MLLT3: variants seen among roughly 807,000 people sequenced by gnomAD.
MLLT3 encodes the protein protein AF-9.
A neutral mutation model predicts 53.2 loss-of-function variants in MLLT3; 4 were observed. That is an observed-to-expected ratio of 0.08 (90% CI 0.04 to 0.17). The LOEUF is 0.17. MLLT3 is among the 10% of genes least tolerant of loss of function. The probability of loss-of-function intolerance (pLI) is 1.00; values close to 1 mark genes in which losing one functional copy is unlikely to be tolerated. For synonymous variants in MLLT3, 283 were observed against 230.6 expected (o/e 1.23, Z -2.06); for missense variants, 569 against 684.0 (o/e 0.83, Z 1.87).
chr9:20,360,817 A>G lies in MLLT3; in HGVS notation c.1356T>C (p.Asp452=). The G allele has an allele frequency of 1.2e-6, 2 of 1,614,096 alleles. No individual in the cohort carries two copies. Among genetic ancestry groups the G allele is most frequent in the Non-Finnish European group, 8.5e-7 (1 of 1,179,888 alleles). ...SRRVSLSDGS[D]SESSSASSPL... is the part of the protein sequence containing the mutation. ...GTGAAGAAGCAGAACTGCTTTCACT[A>G]TCGCTGCCATCACTTAAGCTAACTC... is the stretch of plus-strand genomic sequence containing the variant. Residue 452 remains aspartate, a synonymous_variant, in exon 8 of 11, where the codon GAT becomes GAC. Transcript: ENST00000380338.
At chr9:20,427,542 T>C (rs1400691360) in intron 4 of MLLT3, among the ~76,000 whole-genome samples, 3 of 151,908 alleles carry the variant, frequency 2.0e-5, no homozygotes, top group Non-Finnish European at 4.4e-5. Flanking sequence ...GACACAATGG[T>C]GGAAATTTTC....
chr9:20,566,014 T>TA (rs1249800579), intron 2 of MLLT3, among the ~76,000 whole-genome samples: 3 of 128,184 alleles, frequency 2.3e-5, no homozygotes, highest in East Asian at 2.0e-4. Flanking sequence ...ATATATATTT[T>TA]TATATATATT....
chr9:20,503,320 C>T (rs1825295779), intron 2 of MLLT3, among the ~76,000 whole-genome samples: 1 of 152,158 alleles, frequency 6.6e-6, no homozygotes, highest in African/African-American at 2.4e-5. Flanking sequence ...GTAATCAATA[C>T]AGCATGCTGC....
At chr9:20,440,139 C>G (rs1823507726) in intron 4 of MLLT3, among the ~76,000 whole-genome samples, 1 of 152,124 alleles carries the variant, frequency 6.6e-6, no homozygotes, top group Admixed American at 6.6e-5. Context: ...TTAATAATCT[C>G]AAATGGGAGA....
chr9:20,479,568 G>T (rs1181237160), intron 2 of MLLT3, among the ~76,000 whole-genome samples: 1 of 152,126 alleles, frequency 6.6e-6, no homozygotes, highest in Non-Finnish European at 1.5e-5. Context: ...TAGAGAAGTT[G>T]GGTACTATGG....
At chr9:20,395,362 T>C (rs1822297055) in intron 5 of MLLT3, among the ~76,000 whole-genome samples, 1 of 152,172 alleles carries the variant, frequency 6.6e-6, no homozygotes, top group African/African-American at 2.4e-5. Context: ...GAAGGCAAGA[T>C]TTTTTAGCTA....
At chr9:20,530,240 G>C (rs1046260367) in intron 2 of MLLT3, among the ~76,000 whole-genome samples, 2 of 152,180 alleles carry the variant, frequency 1.3e-5, no homozygotes, top group African/African-American at 4.8e-5. Flanking sequence ...AGACCAGGAA[G>C]TCATACAACG....
At position 20,342,834 on chromosome 9, in the gene MLLT3, G is replaced by GGGTATATA. The variant is rs1554673229; in HGVS notation, c.*3608_*3609insTATATACC. The GGGTATATA allele has an allele frequency of 2.4e-5, 4 of 164,276 alleles. No individual in the cohort carries two copies. Among genetic ancestry groups the GGGTATATA allele is most frequent in the African/African-American group, 1.0e-4 (4 of 40,150 alleles). The allele number at this position is 164,276 out of a possible 1,614,324, so 10.2% of individuals were successfully genotyped here. A position where few individuals can be genotyped will look rare whatever the true frequency, so the allele number is the denominator to read the frequency against. On this transcript the variant is annotated 3_prime_UTR_variant, in exon 11 of 11. Coordinates refer to ENST00000380338, the MANE Select transcript of MLLT3 (RefSeq NM_004529.4). ...AAGATTACTCTGATAATATATATGTGTATATATATATATATATGTATATAT... is the reference window on the plus strand; with the variant it reads ...AAGATTACTCTGATAATATATATGTGGGTATATATATATATATATATATATGTATATAT...
Position 20,448,335 on chromosome 9 carries a change from T to C in MLLT3, c.277-69A>G, listed in dbSNP as rs1234612463. 6 of 1,457,186 alleles carry C rather than the reference T, an allele frequency of 4.1e-6. No homozygotes were observed. The highest frequency in any genetic ancestry group is 2.4e-5 in the South Asian group (2 of 82,254). The allele number at this position is 1,457,186 out of a possible 1,614,324, so 90.3% of individuals were successfully genotyped here. A position where few individuals can be genotyped will look rare whatever the true frequency, so the allele number is the denominator to read the frequency against. On this transcript the variant is annotated intron_variant, in intron 3 of 10. Coordinates refer to ENST00000380338, the MANE Select transcript of MLLT3 (RefSeq NM_004529.4). This position sits in a 1 kb window ranked among gnomAD's most constrained non-coding sequence, Gnocchi z 4.0. ...ATAAGTGAAATTTTAAAAGCAAAAA[T>C]TTACTCCTCATAAGAAATAGAAAAG...
At position 20,502,358 on chromosome 9, in the gene MLLT3, G is replaced by A. The variant is rs1401455304; in HGVS notation, c.194-45572C>T. The A allele has an allele frequency of 3.3e-5, 5 of 153,534 alleles. No individual in the cohort carries two copies. The Admixed American group carries it at 3.3e-4, about 10-fold the overall frequency. 9.5% of individuals were successfully genotyped at this position (153,534 alleles called of 1,614,324 possible). On this transcript the variant is annotated intron_variant, in intron 2 of 10. Coordinates refer to ENST00000380338, the MANE Select transcript of MLLT3 (RefSeq NM_004529.4). ...AGGTAGGCAAATGCCAGCCTGTGAT[G>A]TTCCTTACATAGCACTGTAAGGAGC...
At chr9:20,346,714 T>A (rs1033798150) in intron 10 of MLLT3, 140 bp from the exon 11 acceptor site, 13 of 778,660 alleles carry the variant, frequency 1.7e-5, no homozygotes, top group South Asian at 5.7e-5. Context: ...ATACCATGAA[T>A]AGCATTAAAC....
chr9:20,494,705 A>C (rs1825033032), intron 2 of MLLT3, among the ~76,000 whole-genome samples: 1 of 152,150 alleles, frequency 6.6e-6, no homozygotes. Flanking sequence ...TTCATCCTTG[A>C]AACAGACAAA....
chr9:20,388,635 A>C lies in MLLT3; in HGVS notation c.1126-22891T>G, dbSNP rs143014486. ...AAAGAATCTCCCATTAAAAAACAAT[A>C]ATAAGGTAATTGTCAAAAACAAAGA... On this transcript the variant is annotated intron_variant, in intron 5 of 10. Transcript: ENST00000380338. 3.3e-3 allele frequency among the ~76,000 whole-genome samples: 507 copies of C among 152,262 alleles called. 2 individuals are homozygous for C. The highest frequency in any genetic ancestry group is 0.011 in the South Asian group (53 of 4,826).
chr9:20,438,219 C>T (rs1823453477), intron 4 of MLLT3, among the ~76,000 whole-genome samples: 1 of 152,202 alleles, frequency 6.6e-6, no homozygotes, highest in South Asian at 2.1e-4. Flanking sequence ...CTATATCAAA[C>T]AAGATAGCTT....
At chr9:20,492,419 G>T (rs1244249021) in intron 2 of MLLT3, among the ~76,000 whole-genome samples, 1 of 151,698 alleles carries the variant, frequency 6.6e-6, no homozygotes, top group Non-Finnish European at 1.5e-5. Context: ...TTATTATTTT[G>T]TTTTACAGTT....
intron 2 of MLLT3, among the ~76,000 whole-genome samples, chr9:20,537,048 C>A (rs1163397342): frequency 1.3e-5 from 2 of 152,158 alleles, no homozygotes; most frequent in Non-Finnish European, 2.9e-5. Flanking sequence ...GCATTGCCAG[C>A]TGTAAAACTA....
chr9:20,438,456 G>A (rs992432099), intron 4 of MLLT3, among the ~76,000 whole-genome samples: 2 of 152,126 alleles, frequency 1.3e-5, no homozygotes, highest in Non-Finnish European at 2.9e-5. Context: ...CTGTCACCAA[G>A]GCTGGGGCTG....
intron 5 of MLLT3, among the ~76,000 whole-genome samples, chr9:20,390,777 T>C (rs1225891098): frequency 6.6e-6 from 1 of 152,212 alleles, no homozygotes; most frequent in African/African-American, 2.4e-5. Context: ...GGAGAAACAA[T>C]TTCCTTCTAT....
chr9:20,567,170 CA>C (rs1819397190), intron 2 of MLLT3, among the ~76,000 whole-genome samples: 1 of 108,934 alleles, frequency 9.2e-6, no homozygotes, highest in Non-Finnish European at 1.8e-5. Context: ...GAAATGTTAT[CA>C]CTCAAAGTCA....
Sources: gnomAD v4.1 joint callset for allele counts (sites outside exome capture counted in the v4.1 genomes callset) on GRCh38, gnomAD v4.1.1 for gene constraint, Gnocchi (gnomAD v3.1) non-coding constraint, MANE v1.5 for transcripts, NCBI Gene and HGNC (gene_info 2026-07-23, HGNC 2026-07-21) for gene names.